PCDH9: variants seen among roughly 807,000 people sequenced by gnomAD.
PCDH9 encodes the protein protocadherin-9.
A neutral mutation model predicts 70.6 loss-of-function variants in PCDH9; 24 were observed. The observed-to-expected ratio is 0.34, with a 90% CI of 0.25 to 0.48. The LOEUF is 0.48. Among genes scored for constraint, PCDH9 ranks in the 20% least tolerant of loss-of-function variants. PCDH9 has a pLI of 0.99. For missense variants in PCDH9, 1,281 were observed against 1,503.6 expected, an observed-to-expected ratio of 0.85 and a Z score of 2.45; for synonymous variants, 562 against 558.5, an observed-to-expected ratio of 1.01 and a Z score of -0.09.
intron 3 of PCDH9, among the ~76,000 whole-genome samples, chr13:66,873,133 C>CA (rs562809318): frequency 6.5e-4 from 99 of 151,638 alleles, no homozygotes; most frequent in African/African-American, 2.3e-3. Flanking sequence ...GCAAGTTAAG[C>CA]AAAAAAGTAA....
At chr13:66,733,994 C>T (rs946806556) in intron 3 of PCDH9, among the ~76,000 whole-genome samples, 3 of 152,096 alleles carry the variant, frequency 2.0e-5, no homozygotes, top group African/African-American at 7.2e-5. Context: ...ATGCCATACC[C>T]AATAGAGTAT....
At chr13:67,039,511 C>A (rs2139903382) in intron 2 of PCDH9, among the ~76,000 whole-genome samples, 1 of 152,192 alleles carries the variant, frequency 6.6e-6, no homozygotes, top group East Asian at 1.9e-4. Context: ...GGAGACAGAT[C>A]TGAGTGTTTC....
chr13:66,610,504 G>A (rs1203141187), intron 4 of PCDH9, among the ~76,000 whole-genome samples: 1 of 152,094 alleles, frequency 6.6e-6, no homozygotes, highest in Non-Finnish European at 1.5e-5. Flanking sequence ...ATAGAATATA[G>A]GCCAATTTCT....
chr13:67,112,631 C>T (rs553229896), intron 2 of PCDH9, among the ~76,000 whole-genome samples: 2 of 151,940 alleles, frequency 1.3e-5, no homozygotes, highest in South Asian at 4.2e-4. Context: ...TCCTTTCTTC[C>T]TTTCTCTCTT....
At chr13:67,180,911 T>A (rs1390391092) in intron 2 of PCDH9, among the ~76,000 whole-genome samples, 1 of 152,200 alleles carries the variant, frequency 6.6e-6, no homozygotes, top group Non-Finnish European at 1.5e-5. Flanking sequence ...TTTACAGAGT[T>A]GTATTGTTAC....
chr13:67,227,911 T>C lies in PCDH9; in HGVS notation c.530A>G (p.Gln177Arg). ...TDPDTGFNGV[Q>R]HYELLNGQSV... ...CTGCCCATTTAACAATTCATAATGC[T>C]GTACACCATTGAAGCCTGTGTCAGG... Residue 177 changes from glutamine (Q) to arginine (R), a missense_variant, in exon 2 of 5, where the codon CAG (glutamine) becomes CGG (arginine). This residue lies in a region of PCDH9 where 798 missense variants were observed against 1,003.1 expected (regional missense o/e 0.80). Coordinates refer to ENST00000377865, the MANE Select transcript of PCDH9 (RefSeq NM_203487.3). This position sits in a 1 kb window ranked among gnomAD's most constrained non-coding sequence, Gnocchi z 4.6. 6.2e-7 allele frequency: 1 copy of C among 1,614,172 alleles called. No individual in the cohort carries two copies. Among genetic ancestry groups the C allele is most frequent in the Non-Finnish European group, 8.5e-7 (1 of 1,180,004 alleles).
intron 3 of PCDH9, among the ~76,000 whole-genome samples, chr13:66,718,001 A>G (rs1049178927): frequency 2.0e-5 from 3 of 152,192 alleles, no homozygotes; most frequent in Non-Finnish European, 4.4e-5. Flanking sequence ...TAATAACTAC[A>G]GATTGTTTTT....
chr13:66,521,248 T>A lies in PCDH9; in HGVS notation c.3340+109962A>T, dbSNP rs568283665. ...ATAAAATACAGTATTAGCCTTTCCA[T>A]GTGTTGAGTAATGTGGTTAGAAACA... is the stretch of plus-strand genomic sequence containing the variant. On this transcript the variant is annotated intron_variant, in intron 4 of 4. Transcript: ENST00000377865. Among the ~76,000 whole-genome samples, 5 of 152,292 alleles carry A rather than the reference T, an allele frequency of 3.3e-5. 1 individual carries two copies. In the South Asian group the frequency reaches 1.0e-3, roughly 32 times the overall value.
At chr13:66,977,060 G>A (rs1256575121) in intron 2 of PCDH9, among the ~76,000 whole-genome samples, 1 of 152,032 alleles carries the variant, frequency 6.6e-6, no homozygotes, top group Admixed American at 6.6e-5. Context: ...TTACTTACCA[G>A]AGACCTTTAA....
intron 3 of PCDH9, among the ~76,000 whole-genome samples, chr13:66,641,548 C>A (rs1159058548): frequency 6.6e-6 from 1 of 152,134 alleles, no homozygotes; most frequent in Non-Finnish European, 1.5e-5. Flanking sequence ...CCTCCAGGCT[C>A]TACTAAAAGC....
chr13:67,219,087 G>A (rs2089669450), intron 2 of PCDH9: 1 of 151,922 alleles, frequency 6.6e-6, no homozygotes, highest in Non-Finnish European at 1.5e-5. Flanking sequence ...TTGTCTATCA[G>A]AGACAAACTG....
chr13:66,768,536 G>A (rs2079755457), intron 3 of PCDH9, among the ~76,000 whole-genome samples: 1 of 151,954 alleles, frequency 6.6e-6, no homozygotes, highest in Admixed American at 6.6e-5. Flanking sequence ...TGTAAATTCT[G>A]AATCTAATGA....
intron 3 of PCDH9, among the ~76,000 whole-genome samples, chr13:66,709,347 C>T (rs1378707043): frequency 6.6e-6 from 1 of 152,102 alleles, no homozygotes; most frequent in African/African-American, 2.4e-5. Flanking sequence ...TAACTAAATA[C>T]AATTGTATCA....
intron 3 of PCDH9, among the ~76,000 whole-genome samples, chr13:66,854,587 TAACC>T (rs1329676533): frequency 6.6e-6 from 1 of 152,152 alleles, no homozygotes; most frequent in Non-Finnish European, 1.5e-5. Flanking sequence ...TCTCATATTG[TAACC>T]AAGTGTCTTT....
At chr13:66,394,811 A>G (rs1046872719) in intron 4 of PCDH9, among the ~76,000 whole-genome samples, 3 of 152,212 alleles carry the variant, frequency 2.0e-5, no homozygotes, top group Non-Finnish European at 4.4e-5. Context: ...ATGAATTAAA[A>G]GTACAACTAT....
At chr13:67,159,065 C>T (rs944735040) in intron 2 of PCDH9, among the ~76,000 whole-genome samples, 9 of 152,118 alleles carry the variant, frequency 5.9e-5, no homozygotes, top group African/African-American at 2.2e-4. Context: ...AAAGGAGATG[C>T]TATTATGGCT....
intron 2 of PCDH9, among the ~76,000 whole-genome samples, chr13:67,045,996 A>C (rs2085214974): frequency 6.6e-6 from 1 of 151,998 alleles, no homozygotes. Context: ...TTTAACTATA[A>C]CTCCTCTCAT....
chr13:66,736,097 C>G (rs908108854), intron 3 of PCDH9, among the ~76,000 whole-genome samples: 2 of 152,012 alleles, frequency 1.3e-5, no homozygotes, highest in African/African-American at 4.8e-5. Flanking sequence ...CTTTCATTAT[C>G]TATTAATTAA....
At chr13:66,617,789 A>G (rs1220139390) in intron 4 of PCDH9, among the ~76,000 whole-genome samples, 9 of 152,282 alleles carry the variant, frequency 5.9e-5, no homozygotes, top group Middle Eastern at 3.4e-3. Context: ...CAGTCATGCA[A>G]TTGGAGCCTC....
Sources: allele counts gnomAD v4.1 joint callset (sites outside exome capture counted in the v4.1 genomes callset), GRCh38; gene constraint gnomAD v4.1.1; regional missense constraint gnomAD v4.1.1; non-coding constraint Gnocchi (gnomAD v3.1); transcripts MANE v1.5; gene names NCBI Gene and HGNC (gene_info 2026-07-23, HGNC 2026-07-21).